The following TMEM161B variants were observed in gnomAD, a reference collection of about 807,000 sequenced individuals.
TMEM161B encodes the protein transmembrane protein 161B.
In TMEM161B, 34 loss-of-function variants were observed where a neutral mutation model predicts 61.8. The observed-to-expected ratio is 0.55, with a 90% CI of 0.42 to 0.73. TMEM161B has a LOEUF of 0.73. Ranked by LOEUF, TMEM161B falls within the 30% of genes least tolerant of loss-of-function variation. The probability of loss-of-function intolerance (pLI) is 0.00; values close to 1 mark genes in which losing one functional copy is unlikely to be tolerated. For missense variants in TMEM161B, 456 were observed against 558.5 expected (o/e 0.82, Z 1.85); for synonymous variants, 167 against 192.8 (o/e 0.87, Z 1.11).
rs33699 is a variant in TMEM161B at position 88,195,728 on chromosome 5, T to C, written c.*483A>G. On this transcript the variant is annotated 3_prime_UTR_variant, in exon 12 of 12. Transcript: ENST00000296595. The stretch of plus-strand genomic sequence containing the variant: ...ATCTCTTCCTTTCTGTTGGATTTTA[T>C]TGTTTCAAGAGTAACTAATAAATTA... 0.6 allele frequency: 587,191 copies of C among 986,026 alleles called. 180,393 individuals carry two copies. Among genetic ancestry groups the C allele is most frequent in the East Asian group, 0.78 (6,836 of 8,814 alleles). The allele number at this position is 986,026 out of a possible 1,614,324, so 61.1% of individuals were successfully genotyped here.
chr5:88,199,304 T>TATA, intron 9 of TMEM161B, 154 bp from the exon 10 acceptor site: 1 of 600,850 alleles, frequency 1.7e-6, no homozygotes, highest in Non-Finnish European at 2.7e-6. Flanking sequence ...GACTTAACTG[T>TATA]ATAATACTTT....
chr5:88,245,139 G>A (rs1466225466), intron 1 of TMEM161B, among the ~76,000 whole-genome samples: 1 of 151,778 alleles, frequency 6.6e-6, no homozygotes, highest in Non-Finnish European at 1.5e-5. Flanking sequence ...TTTTTAAAAT[G>A]TCTACCAAAC....
chr5:88,253,251 C>A (rs1194284623), intron 1 of TMEM161B, among the ~76,000 whole-genome samples: 2 of 152,100 alleles, frequency 1.3e-5, no homozygotes, highest in South Asian at 4.1e-4. Context: ...TAACTTATTT[C>A]TTTCATCGTA....
chr5:88,203,150 A>C, intron 8 of TMEM161B, 75 bp from the exon 9 acceptor site: 1 of 868,322 alleles, frequency 1.2e-6, no homozygotes, highest in South Asian at 1.5e-5. Context: ...CTGGGGTCTT[A>C]CTAAAATGGA....
chr5:88,224,960 TTTTTG>T (rs1404496258), intron 4 of TMEM161B, among the ~76,000 whole-genome samples: 5 of 117,804 alleles, frequency 4.2e-5, no homozygotes, highest in African/African-American at 6.7e-5. Context: ...ACAAAATATG[TTTTTG>T]TTTTTTTTTT....
chr5:88,211,620 TGGCGGCGGGCGC>T (rs571141929), intron 5 of TMEM161B, among the ~76,000 whole-genome samples: 1,722 of 151,522 alleles, frequency 0.011, 17 homozygotes, highest in African/African-American at 0.028. Context: ...TAGCCGGGCG[TGGCGGCGGGCGC>T]GGCGGCGGGC....
chr5:88,268,675 C>A, intron 1 of TMEM161B, 46 bp downstream of exon 1: 2 of 1,613,992 alleles, frequency 1.2e-6, no homozygotes, highest in Non-Finnish European at 1.7e-6. Context: ...CCTCCCCGCC[C>A]TTTTCGCCCC....
downstream of TMEM161B, chr5:88,190,161 C>T (rs1463440320): frequency 1.1e-5 from 8 of 700,924 alleles, no homozygotes; most frequent in Admixed American, 2.0e-5. Flanking sequence ...GTTACCTCCA[C>T]ACTTTGGCAT....
At chr5:88,190,253 T>C (rs779183563), downstream of TMEM161B, 5 of 700,622 alleles carry the variant, frequency 7.1e-6, no homozygotes, top group African/African-American at 8.8e-5. Context: ...GACCTTGCCT[T>C]GCATTATGCT....
chr5:88,257,464 T>C (rs954697614), intron 1 of TMEM161B, among the ~76,000 whole-genome samples: 19 of 152,228 alleles, frequency 1.2e-4, no homozygotes, highest in Non-Finnish European at 2.6e-4. Flanking sequence ...TCATTGTGAA[T>C]ATTTTTAATG....
At chr5:88,199,173 G>A (rs368609687) in intron 9 of TMEM161B, 23 bp from the exon 10 acceptor site, 41 of 1,580,988 alleles carry the variant, frequency 2.6e-5, no homozygotes, top group South Asian at 1.4e-4. Context: ...AAGTTGATAC[G>A]GTGCTCTCAA....
intron 1 of TMEM161B, among the ~76,000 whole-genome samples, chr5:88,249,817 C>A (rs1311908719): frequency 6.6e-6 from 1 of 152,082 alleles, no homozygotes; most frequent in African/African-American, 2.4e-5. Flanking sequence ...TCACATGAAC[C>A]CCAAAACTCC....
rs1752375250 is a variant in TMEM161B, at chr5:88,239,375, T to C, written c.107+1438A>G. ...CAAGAGAAAGTAAGCTGCCTTAATG[T>C]ATGTTACTTAGTTTACTGAGACCCT... is the stretch of plus-strand genomic sequence containing the variant. On this transcript the variant is annotated intron_variant, in intron 2 of 11. Transcript: ENST00000296595. Among the ~76,000 whole-genome samples, 4 of 152,138 alleles carry C rather than the reference T, an allele frequency of 2.6e-5. No homozygotes were observed. The South Asian group carries it at 8.3e-4, about 32-fold the overall frequency.
At chr5:88,207,942 G>C (rs1745857909) in intron 5 of TMEM161B, among the ~76,000 whole-genome samples, 1 of 152,188 alleles carries the variant, frequency 6.6e-6, no homozygotes, top group Admixed American at 6.5e-5. Flanking sequence ...CTATCACTTA[G>C]TACTTGCCAT....
intron 5 of TMEM161B, among the ~76,000 whole-genome samples, chr5:88,215,472 C>A (rs569889059): frequency 1.7e-4 from 25 of 145,204 alleles, no homozygotes; most frequent in African/African-American, 3.6e-4. Flanking sequence ...TGGTAGGTAA[C>A]TTTATCACAT....
At chr5:88,190,109 CA>C, downstream of TMEM161B, 5 of 700,872 alleles carry the variant, frequency 7.1e-6, no homozygotes, top group Non-Finnish European at 1.3e-5. Context: ...GATAAGCCTC[CA>C]CCCACCCAGA....
intron 1 of TMEM161B, among the ~76,000 whole-genome samples, chr5:88,263,024 A>G (rs1176766128): frequency 6.6e-6 from 1 of 152,178 alleles, no homozygotes; most frequent in Non-Finnish European, 1.5e-5. Context: ...ACTGTTTGGA[A>G]AGTTGACAGT....
At chr5:88,218,282 T>C (rs1204857533) in intron 5 of TMEM161B, among the ~76,000 whole-genome samples, 1 of 152,126 alleles carries the variant, frequency 6.6e-6, no homozygotes, top group African/African-American at 2.4e-5. Context: ...AGATTCGGTG[T>C]GTCCAGAGTG....
chr5:88,203,522 A>G (rs527524006), intron 8 of TMEM161B, among the ~76,000 whole-genome samples: 4 of 151,870 alleles, frequency 2.6e-5, no homozygotes, highest in East Asian at 3.9e-4. Flanking sequence ...CAACTGAAAC[A>G]AAGTGTCTCC....
Sources: allele counts gnomAD v4.1 joint callset (sites outside exome capture counted in the v4.1 genomes callset), GRCh38; gene constraint gnomAD v4.1.1; transcripts MANE v1.5; gene names NCBI Gene and HGNC (gene_info 2026-07-23, HGNC 2026-07-21).